Variants in PFN2 observed in about 807,000 individuals in gnomAD.
PFN2 encodes profilin 2, also known as profilin-2.
Under a neutral mutation model 15.3 loss-of-function variants are expected in PFN2, and 8 were observed. That is an observed-to-expected ratio of 0.52 (90% CI 0.31 to 0.95). The LOEUF (loss-of-function observed/expected upper bound fraction) is 0.95. Ranked by LOEUF, PFN2 falls within the 40% of genes least tolerant of loss-of-function variation. The pLI, the probability that PFN2 is intolerant of heterozygous loss-of-function variation, is 0.05. For missense variants in PFN2, 111 were observed against 182.3 expected (o/e 0.61, Z 2.25); for synonymous variants, 79 against 67.9 (o/e 1.16, Z -0.81).
At chr3:149,966,952 T>G (rs973354640) in intron 2 of PFN2, among the ~76,000 whole-genome samples, 1 of 146,234 alleles carries the variant, frequency 6.8e-6, no homozygotes, top group Non-Finnish European at 1.5e-5. Context: ...TTAATAAACC[T>G]GGGGAGTTAC....
intron 2 of PFN2, 154 bp downstream of exon 2, chr3:149,968,204 A>G: frequency 1.6e-6 from 1 of 638,986 alleles, no homozygotes; most frequent in Non-Finnish European, 2.7e-6. Flanking sequence ...TAGAGTAGGT[A>G]AAACTAAAGC....
At chr3:149,970,541 G>A (rs1325347080) in intron 1 of PFN2, 184 bp downstream of exon 1, 4 of 460,208 alleles carry the variant, frequency 8.7e-6, no homozygotes, top group Admixed American at 4.8e-5. Context: ...GCGCAGCCCC[G>A]GGTGAGGGGG....
Position 149,969,896 on chromosome 3 carries a change from G to A in PFN2, c.132+829C>T, listed in dbSNP as rs191601518. Among the ~76,000 whole-genome samples the A allele has an allele frequency of 1.8e-3, 267 of 152,264 alleles. 1 individual carries two copies. Among genetic ancestry groups the A allele is most frequent in the Non-Finnish European group, 1.6e-3 (112 of 68,020 alleles). On this transcript the variant is annotated intron_variant, in intron 1 of 2. Coordinates refer to ENST00000239940, the MANE Select transcript of PFN2 (RefSeq NM_053024.4). ...ACCACTAAAGAGGGAGGGACTTAGAGAAGTGAAGTGTGCTCCTGGTCTTCG... is the reference window on the plus strand; with the variant it reads ...ACCACTAAAGAGGGAGGGACTTAGAAAAGTGAAGTGTGCTCCTGGTCTTCG...
rs1722693881 is a variant in PFN2 at position 149,966,436 on chromosome 3, C to T, written c.*53G>A. ...CCAGAATTAAGACTTAAGCTTATAG[C>T]TAGGAAAGTTTAAGAGCAATTTTCC... On this transcript the variant is annotated 3_prime_UTR_variant, in exon 3 of 3. Coordinates refer to ENST00000239940, the MANE Select transcript of PFN2 (RefSeq NM_053024.4). 1.2e-6 allele frequency: 2 copies of T among 1,605,108 alleles called. No individual in the cohort carries two copies. Among genetic ancestry groups the T allele is most frequent in the East Asian group, 4.5e-5 (2 of 44,842 alleles).
At chr3:149,968,222 C>T in intron 2 of PFN2, 136 bp downstream of exon 2, 1 of 693,070 alleles carries the variant, frequency 1.4e-6, no homozygotes, top group South Asian at 2.0e-5. Flanking sequence ...AGCAGTGCTT[C>T]TCCATAGTGC....
intron 2 of PFN2, among the ~76,000 whole-genome samples, chr3:149,966,923 T>C (rs1722709548): frequency 6.6e-6 from 1 of 151,998 alleles, no homozygotes; most frequent in South Asian, 2.1e-4. Flanking sequence ...ATGTTATTAC[T>C]TGCCCCCAAA....
Position 149,968,192 on chromosome 3 carries a change from T to C in PFN2, c.325+166A>G, listed in dbSNP as rs985271661. On this transcript the variant is annotated intron_variant, in intron 2 of 2. Coordinates refer to ENST00000239940, the MANE Select transcript of PFN2 (RefSeq NM_053024.4). ...ATCTAAGAGGCCAGGTCATAGATGCTGTAGAGTAGGTAAAACTAAAGCAGT... is the reference window on the plus strand; with the variant it reads ...ATCTAAGAGGCCAGGTCATAGATGCCGTAGAGTAGGTAAAACTAAAGCAGT... The C allele has an allele frequency of 5.0e-6, 3 of 605,774 alleles. No individual in the cohort carries two copies. The African/African-American group carries it at 5.5e-5, about 11-fold the overall frequency. The allele number at this position is 605,774 out of a possible 1,614,324, so 37.5% of individuals were successfully genotyped here.
At chr3:149,969,886 G>C (rs1312929386) in intron 1 of PFN2, among the ~76,000 whole-genome samples, 1 of 152,138 alleles carries the variant, frequency 6.6e-6, no homozygotes, top group Non-Finnish European at 1.5e-5. Flanking sequence ...TAAAGAGGGA[G>C]GGACTTAGAG....
rs1443207802 is a variant in PFN2 at position 149,965,645 on chromosome 3, T to C, written c.*844A>G. The C allele has an allele frequency of 1.0e-6, 1 of 979,548 alleles. No homozygotes were observed. The highest frequency in any genetic ancestry group is 1.2e-6 in the Non-Finnish European group (1 of 836,556). The allele number at this position is 979,548 out of a possible 1,614,324, so 60.7% of individuals were successfully genotyped here. A position where few individuals can be genotyped will look rare whatever the true frequency, so the allele number is the denominator to read the frequency against. ...CATCAACAAAAGGGATTTTAATTGG[T>C]TAAAAAAAAACAGGCACTGCATAAA... On this transcript the variant is annotated 3_prime_UTR_variant, in exon 3 of 3. Transcript: ENST00000239940.
chr3:149,969,098 G>C (rs1386303214), intron 1 of PFN2, among the ~76,000 whole-genome samples: 1 of 152,106 alleles, frequency 6.6e-6, no homozygotes. Flanking sequence ...TTCAACCCCT[G>C]GACATCAGTG....
Position 149,965,401 on chromosome 3 carries a change from T to G in PFN2, c.*1088A>C. Reference sequence around the variant, plus strand: ...ATTTTACTAAAGAGTAGAGCTGGTGTGCAAAGAAAAAGGAAGAAAAATCTG... The same window carrying G: ...ATTTTACTAAAGAGTAGAGCTGGTGGGCAAAGAAAAAGGAAGAAAAATCTG... On this transcript the variant is annotated 3_prime_UTR_variant, in exon 3 of 3. Coordinates refer to ENST00000239940, the MANE Select transcript of PFN2 (RefSeq NM_053024.4). The G allele has an allele frequency of 4.1e-6, 6 of 1,454,912 alleles. No individual in the cohort carries two copies. The highest frequency in any genetic ancestry group is 4.5e-6 in the Non-Finnish European group (5 of 1,112,784). 90.1% of individuals were successfully genotyped at this position (1,454,912 alleles called of 1,614,324 possible).
At chr3:149,969,694 G>C (rs111764378) in intron 1 of PFN2, among the ~76,000 whole-genome samples, 3 of 152,318 alleles carry the variant, frequency 2.0e-5, no homozygotes, top group South Asian at 2.1e-4. Flanking sequence ...GAATGGTCTC[G>C]TATTTAGTAC....
At position 149,968,533 on chromosome 3, in the gene PFN2, CAT is replaced by C; in HGVS notation, c.148_149del (p.Met50AspfsTer27). ...AACCTTCCCGGTCTTTTCCTACAAT[CAT>C]ATCTATTTCTATTGGCTGCCCCCCA... is the stretch of plus-strand genomic sequence containing the variant. ...FQSITPIEIDMIVGKDREGFF... is the reference protein window; with the variant it reads ...FQSITPIEIDXIVGKDREGFF... On this transcript the variant is annotated frameshift_variant, in exon 2 of 3. Transcript: ENST00000239940. LOFTEE classifies it high-confidence loss of function. 1 of 1,608,810 alleles carries C rather than the reference CAT, an allele frequency of 6.2e-7. No homozygotes were observed. Among genetic ancestry groups the C allele is most frequent in the Non-Finnish European group, 8.5e-7 (1 of 1,178,430 alleles).
In PFN2 at chr3:149,968,453, C is replaced by T. The variant is rs777751425; in HGVS notation, c.230G>A (p.Ser77Asn). 6.2e-7 allele frequency: 1 copy of T among 1,614,058 alleles called. No homozygotes were observed. The change falls in exon 2 of 3, where the codon AGT (serine) becomes AAT (asparagine). Residue 77 changes from serine to asparagine, a missense_variant. This residue lies in a region of PFN2 where 47 missense variants were observed against 112.7 expected (regional missense o/e 0.42). Coordinates refer to ENST00000239940, the MANE Select transcript of PFN2 (RefSeq NM_053024.4). ...GAKKCSVIRD[S>N]LYVDGDCTMD... The stretch of plus-strand genomic sequence containing the variant: ...TGTGCAGTCACCATCGACGTATAGA[C>T]TATCTCTGATCACTGAGCATTTCTT...
At chr3:149,969,454 C>T (rs1384195608) in intron 1 of PFN2, among the ~76,000 whole-genome samples, 1 of 152,196 alleles carries the variant, frequency 6.6e-6, no homozygotes, top group Non-Finnish European at 1.5e-5. Context: ...GGAACTCACA[C>T]ACAAAGACAA....
At position 149,970,698 on chromosome 3, in the gene PFN2, A is replaced by G. The variant is rs1401009292; in HGVS notation, c.132+27T>C. On this transcript the variant is annotated intron_variant, in intron 1 of 2. Coordinates refer to ENST00000239940, the MANE Select transcript of PFN2 (RefSeq NM_053024.4). ...GCCACCCCGCTCCGGTGCAGGGACC[A>G]GGGTACCGGCCGCCACTGGTCCTCA... 10 of 1,489,960 alleles carry G rather than the reference A, an allele frequency of 6.7e-6. No individual in the cohort carries two copies. The Admixed American group carries it at 2.2e-4, about 33-fold the overall frequency. The allele number at this position is 1,489,960 out of a possible 1,614,324, so 92.3% of individuals were successfully genotyped here.
intron 2 of PFN2, 142 bp from the exon 3 acceptor site, chr3:149,966,728 T>C: frequency 1.5e-6 from 1 of 673,838 alleles, no homozygotes; most frequent in Non-Finnish European, 2.6e-6. Context: ...CAAGTAGGTT[T>C]CCAAAAAGAA....
At chr3:149,967,528 A>G (rs963517426) in intron 2 of PFN2, among the ~76,000 whole-genome samples, 8 of 152,228 alleles carry the variant, frequency 5.3e-5, no homozygotes, top group Non-Finnish European at 1.0e-4. Flanking sequence ...CTCCCCTCAC[A>G]TGGTAGAGCT....
chr3:149,968,569 A>G lies in PFN2; in HGVS notation c.133-19T>C, dbSNP rs200429075. On this transcript the variant is annotated intron_variant, in intron 1 of 2. Transcript: ENST00000239940. ...CTATTGGCTGCCCCCCACCAAAAAG[A>G]AAAAAAAAAAACACACACACATTAA... 2 of 1,405,438 alleles carry G rather than the reference A, an allele frequency of 1.4e-6. No homozygotes were observed. The highest frequency in any genetic ancestry group is 1.9e-6 in the Non-Finnish European group (2 of 1,074,978). The allele number at this position is 1,405,438 out of a possible 1,614,324, so 87.1% of individuals were successfully genotyped here.
Sources: allele counts gnomAD v4.1 joint callset (sites outside exome capture counted in the v4.1 genomes callset), GRCh38; gene constraint gnomAD v4.1.1; regional missense constraint gnomAD v4.1.1; transcripts MANE v1.5; gene names NCBI Gene and HGNC (gene_info 2026-07-23, HGNC 2026-07-21).